The following CR2 variants were observed in gnomAD, a reference collection of about 807,000 sequenced individuals.
CR2 encodes the protein complement C3d receptor 2.
Under a neutral mutation model 123.0 loss-of-function variants are expected in CR2, and 96 were observed. The ratio of observed to expected loss-of-function variants is 0.78; its 90% CI spans 0.66 to 0.93. CR2 has a LOEUF of 0.93. Among genes scored for constraint, CR2 ranks in the 40% least tolerant of loss-of-function variants. The pLI is 0.00. For missense variants in CR2, 1,258 were observed against 1,361.0 expected (o/e 0.92, Z 1.19); for synonymous variants, 484 against 469.5 (o/e 1.03, Z -0.40).
At chr1:207,466,221 T>C (rs1219389913) in intron 1 of CR2, among the ~76,000 whole-genome samples, 1 of 152,214 alleles carries the variant, frequency 6.6e-6, no homozygotes, top group African/African-American at 2.4e-5. Context: ...CACTAATATG[T>C]TATTTTCATG....
chr1:207,478,010 C>T lies in CR2; in HGVS notation c.3028C>T (p.Pro1010Ser). The T allele has an allele frequency of 6.2e-7, 1 of 1,613,928 alleles. No homozygotes were observed. Among genetic ancestry groups the T allele is most frequent in the South Asian group, 1.1e-5 (1 of 91,054 alleles). ...AGATGGGTATATGCTGGAAGGCAGT[C>T]CCCAGAGCCAGTGCCAATCGGATCA... ...CEDGYMLEGS[P>S]QSQCQSDHQW... The change falls in exon 16 of 20, where the codon CCC becomes TCC. Residue 1010 changes from proline to serine, a missense_variant. Physicochemically the swap from Pro to Ser is moderately conservative, Grantham distance 74. Coordinates refer to ENST00000367057, the MANE Select transcript of CR2 (RefSeq NM_001006658.3).
At chr1:207,467,509 A>G (rs1015270541) in intron 2 of CR2, among the ~76,000 whole-genome samples, 1 of 152,224 alleles carries the variant, frequency 6.6e-6, no homozygotes, top group Non-Finnish European at 1.5e-5. Context: ...CTGCTGAAAT[A>G]TAAATCTGAA....
At chr1:207,456,520 G>A (rs1406359028) in intron 1 of CR2, among the ~76,000 whole-genome samples, 3 of 152,208 alleles carry the variant, frequency 2.0e-5, no homozygotes, top group South Asian at 4.1e-4. Flanking sequence ...GTCAATGGAA[G>A]CAAATTTCCT....
Position 207,472,795 on chromosome 1 carries a change from G to T in CR2, c.1594G>T (p.Val532Phe). Residue 532 changes from valine (V) to phenylalanine (F), a missense_variant, in exon 10 of 20, where the codon GTT becomes TTT. Physicochemically the swap from Val to Phe is conservative, Grantham distance 50. Transcript: ENST00000367057. ...CKEITCPPPPVIYNGAHTGSS... is the reference protein window; with the variant it reads ...CKEITCPPPPFIYNGAHTGSS... ...AGAAATCACCTGCCCACCACCCCCT[G>T]TTATCTACAATGGGGCACACACCGG... The T allele has an allele frequency of 6.2e-7, 1 of 1,613,826 alleles. No homozygotes were observed. Among genetic ancestry groups the T allele is most frequent in the African/African-American group, 1.3e-5 (1 of 74,970 alleles).
chr1:207,467,921 G>T (rs1265565765), intron 2 of CR2, among the ~76,000 whole-genome samples: 1 of 152,146 alleles, frequency 6.6e-6, no homozygotes, highest in Admixed American at 6.6e-5. Flanking sequence ...AAACTATATT[G>T]CCAATATCTA....
intron 17 of CR2, 46 bp downstream of exon 17, chr1:207,479,326 T>A (rs762161697): frequency 4.5e-6 from 6 of 1,331,630 alleles, no homozygotes; most frequent in South Asian, 1.2e-5. Flanking sequence ...TAATATTTTT[T>A]AAAAATATGT....
chr1:207,470,500 C>A (rs1658236819), intron 6 of CR2, among the ~76,000 whole-genome samples: 1 of 151,930 alleles, frequency 6.6e-6, no homozygotes, highest in African/African-American at 2.4e-5. Flanking sequence ...GTTGCAGAAC[C>A]CAGTGGAAAG....
At chr1:207,466,042 C>T (rs1257231747) in intron 1 of CR2, among the ~76,000 whole-genome samples, 1 of 152,150 alleles carries the variant, frequency 6.6e-6, no homozygotes, top group Admixed American at 6.6e-5. Flanking sequence ...TCTCACTATA[C>T]CTTATGAAGT....
At chr1:207,467,046 G>A (rs972263261) in intron 2 of CR2, 134 bp downstream of exon 2, 1 of 1,139,228 alleles carries the variant, frequency 8.8e-7, no homozygotes, top group Non-Finnish European at 1.2e-6. Flanking sequence ...CAAGGGAAAA[G>A]GTGAAAGTTA....
intron 19 of CR2, among the ~76,000 whole-genome samples, chr1:207,487,225 G>A (rs1658774787): frequency 6.6e-6 from 1 of 152,304 alleles, no homozygotes; most frequent in East Asian, 1.9e-4. Flanking sequence ...TCTGTCCAGT[G>A]TTGCTGGTAG....
intron 9 of CR2, among the ~76,000 whole-genome samples, chr1:207,472,566 C>T (rs1482244317): frequency 1.3e-5 from 2 of 152,180 alleles, no homozygotes; most frequent in Admixed American, 1.3e-4. Context: ...CAACCACATT[C>T]ACTTTGAATA....
Position 207,474,931 on chromosome 1 carries a change from T to G in CR2, c.2431T>G (p.Phe811Val). ...AGTCTCTTATGAATGTGACCAAGGA[T>G]TCTATCTCCTGGGAGAGAAAAAATT... ...NEVSYECDQG[F>V]YLLGEKKLQC... The change falls in exon 14 of 20, where the codon TTC (phenylalanine) becomes GTC (valine). Residue 811 changes from phenylalanine to valine, a missense_variant. Physicochemically the swap from Phe to Val is conservative, Grantham distance 50. Transcript: ENST00000367057. 6.2e-7 allele frequency: 1 copy of G among 1,614,052 alleles called. No individual in the cohort carries two copies. The highest frequency in any genetic ancestry group is 8.5e-7 in the Non-Finnish European group (1 of 1,179,962).
At chr1:207,481,460 G>T (rs947297263) in intron 18 of CR2, among the ~76,000 whole-genome samples, 1 of 151,994 alleles carries the variant, frequency 6.6e-6, no homozygotes, top group Non-Finnish European at 1.5e-5. Flanking sequence ...CTTTTTCCGA[G>T]ATGTGTTCCC....
chr1:207,468,698 T>TC lies in CR2; in HGVS notation c.624dup (p.Thr209HisfsTer3), dbSNP rs747832403. On this transcript the variant is annotated frameshift_variant, in exon 3 of 20. Transcript: ENST00000367057. LOFTEE classifies it high-confidence loss of function. ...TTGTCTTCGGGAAAATGGAGTGCTG[T>TC]CCCCCCCACATGTGAAGGTACCCTA... is the stretch of plus-strand genomic sequence containing the variant. 3.1e-6 allele frequency: 5 copies of TC among 1,613,902 alleles called. No homozygotes were observed. Among genetic ancestry groups the TC allele is most frequent in the Non-Finnish European group, 4.2e-6 (5 of 1,179,892 alleles).
At chr1:207,457,722 C>T (rs1253931818) in intron 1 of CR2, among the ~76,000 whole-genome samples, 1 of 152,066 alleles carries the variant, frequency 6.6e-6, no homozygotes, top group Non-Finnish European at 1.5e-5. Flanking sequence ...TTATCATTCT[C>T]ATCTTCCAAA....
intron 2 of CR2, 183 bp from the exon 3 acceptor site, chr1:207,468,344 T>G: frequency 1.6e-6 from 1 of 632,034 alleles, no homozygotes; most frequent in East Asian, 2.7e-5. Context: ...TATGAGATTT[T>G]TTTTTTGCAA....
intron 6 of CR2, 99 bp from the exon 7 acceptor site, chr1:207,470,641 A>T: frequency 8.6e-7 from 1 of 1,168,748 alleles, no homozygotes; most frequent in Non-Finnish European, 1.3e-6. Flanking sequence ...AGCTGACGCC[A>T]GAGTGGAATT....
chr1:207,458,094 A>ACACACACACACACACACT (rs1294314210), intron 1 of CR2, among the ~76,000 whole-genome samples: 1 of 151,180 alleles, frequency 6.6e-6, no homozygotes, highest in Non-Finnish European at 1.5e-5. Flanking sequence ...ACACACACAC[A>ACACACACACACACACACT]CACACTCCTT....
At chr1:207,480,820 A>C (rs1019455672) in intron 18 of CR2, among the ~76,000 whole-genome samples, 3 of 152,098 alleles carry the variant, frequency 2.0e-5, no homozygotes, top group African/African-American at 7.2e-5. Flanking sequence ...ATGTTATTAT[A>C]TCTGGTAGGG....
Sources: allele counts gnomAD v4.1 joint callset (sites outside exome capture counted in the v4.1 genomes callset), GRCh38; gene constraint gnomAD v4.1.1; transcripts MANE v1.5; gene names NCBI Gene and HGNC (gene_info 2026-07-23, HGNC 2026-07-21).